The following MALRD1 variants were observed in gnomAD, a reference collection of about 807,000 sequenced individuals.
MALRD1 encodes MAM and LDL-receptor class A domain-containing protein 1.
A neutral mutation model predicts 242.1 loss-of-function variants in MALRD1; 247 were observed. That is an observed-to-expected ratio of 1.02 (90% CI 0.92 to 1.13). MALRD1 has a LOEUF of 1.13. Among genes scored for constraint, MALRD1 ranks in the 50% most tolerant of loss-of-function variants. The pLI is 0.00. For synonymous variants in MALRD1, 995 were observed against 866.6 expected, an observed-to-expected ratio of 1.15 and a Z score of -2.60; for missense variants, 2,989 against 2,533.1, an observed-to-expected ratio of 1.18 and a Z score of -3.86.
At chr10:19,233,698 G>A (rs1838180267) in intron 18 of MALRD1, among the ~76,000 whole-genome samples, 1 of 151,916 alleles carries the variant, frequency 6.6e-6, no homozygotes, top group Admixed American at 6.6e-5. Context: ...TTAATACAAA[G>A]CATAGCATAA....
At chr10:19,300,669 G>C (rs1041148072) in intron 21 of MALRD1, among the ~76,000 whole-genome samples, 2 of 151,980 alleles carry the variant, frequency 1.3e-5, no homozygotes, top group Non-Finnish European at 2.9e-5. Context: ...ACAGAAGATT[G>C]AAACTGGACC....
chr10:19,660,887 G>A (rs1484682037), intron 36 of MALRD1, among the ~76,000 whole-genome samples: 4 of 152,148 alleles, frequency 2.6e-5, no homozygotes, highest in East Asian at 1.9e-4. Flanking sequence ...GAAAGAGGTA[G>A]TAGATACTTC....
intron 36 of MALRD1, among the ~76,000 whole-genome samples, chr10:19,649,092 A>G (rs10827739): frequency 0.41 from 62,507 of 152,138 alleles, 14,161 homozygotes; most frequent in Non-Finnish European, 0.51. Flanking sequence ...TGGCTGCATA[A>G]TATTCCATGG....
At chr10:19,537,208 T>C (rs1432279694) in intron 32 of MALRD1, among the ~76,000 whole-genome samples, 2 of 152,112 alleles carry the variant, frequency 1.3e-5, no homozygotes, top group Non-Finnish European at 2.9e-5. Flanking sequence ...AGTATTAACA[T>C]GAAGAGTAAT....
chr10:19,631,594 A>G (rs185836804), intron 36 of MALRD1, among the ~76,000 whole-genome samples: 1 of 152,268 alleles, frequency 6.6e-6, no homozygotes, highest in East Asian at 1.9e-4. Context: ...GGTTGAACTA[A>G]TTTACACTCT....
chr10:19,259,584 C>A (rs1296788057), intron 19 of MALRD1, among the ~76,000 whole-genome samples: 2 of 152,098 alleles, frequency 1.3e-5, no homozygotes, highest in Non-Finnish European at 2.9e-5. Flanking sequence ...AAAGACCCGC[C>A]CCCGTGATTC....
intron 12 of MALRD1, 93 bp downstream of exon 12, chr10:19,155,265 C>A: frequency 1.8e-6 from 1 of 559,392 alleles, no homozygotes; most frequent in Non-Finnish European, 2.7e-6. Context: ...CCATGTTTTA[C>A]TAGCACTTTA....
intron 7 of MALRD1, 33 bp from the exon 8 acceptor site, chr10:19,128,188 C>T: frequency 4.9e-6 from 6 of 1,224,372 alleles, no homozygotes; most frequent in Non-Finnish European, 6.1e-6. Flanking sequence ...CTAATGTTTT[C>T]CTAAATTGCT....
intron 21 of MALRD1, among the ~76,000 whole-genome samples, chr10:19,289,072 T>G (rs909969210): frequency 5.9e-5 from 9 of 152,160 alleles, no homozygotes; most frequent in African/African-American, 2.2e-4. Context: ...CAAAATTTTT[T>G]TCTTTAATTT....
chr10:19,686,317 G>A (rs1326967), intron 36 of MALRD1, among the ~76,000 whole-genome samples: 140,002 of 152,136 alleles, frequency 0.92, 64,495 homozygotes, highest in East Asian at 0.95. Context: ...TTCCCTTGGG[G>A]TGGGCTGTCT....
At position 19,607,882 on chromosome 10, in the gene MALRD1, T is replaced by C. The variant is rs1838713645; in HGVS notation, c.6050T>C (p.Leu2017Pro). The stretch of plus-strand genomic sequence containing the variant: ...TTTGCCGACTGCATGGATTTCCAGC[T>C]TGATGAGTCCAGCTGCTCCGGTACC... ...DGFADCMDFQLDESSCSECPL... is the reference protein window; with the variant it reads ...DGFADCMDFQPDESSCSECPL... Residue 2017 changes from leucine to proline, a missense_variant, in exon 35 of 40, where the codon CTT becomes CCT. Coordinates refer to ENST00000454679, the MANE Select transcript of MALRD1 (RefSeq NM_001142308.3). 1 of 1,549,642 alleles carries C rather than the reference T, an allele frequency of 6.5e-7. No homozygotes were observed. The highest frequency in any genetic ancestry group is 2.0e-5 in the Admixed American group (1 of 50,936).
chr10:19,113,792 TACAC>T (rs753384799), intron 5 of MALRD1, among the ~76,000 whole-genome samples: 30,313 of 134,312 alleles, frequency 0.23, 3,726 homozygotes, highest in Non-Finnish European at 0.31. Flanking sequence ...TACCACCCCC[TACAC>T]ACACACACAC....
chr10:19,194,531 G>A (rs896922471), intron 14 of MALRD1, among the ~76,000 whole-genome samples: 1 of 151,824 alleles, frequency 6.6e-6, no homozygotes, highest in South Asian at 2.1e-4. Flanking sequence ...TACCATACAC[G>A]AGCTGTCTGG....
chr10:19,443,907 T>C (rs1409144530), intron 28 of MALRD1, among the ~76,000 whole-genome samples: 1 of 152,180 alleles, frequency 6.6e-6, no homozygotes, highest in Non-Finnish European at 1.5e-5. Context: ...ATCTGTCTAA[T>C]GTTGACAGTG....
intron 26 of MALRD1, among the ~76,000 whole-genome samples, chr10:19,373,209 A>AAAAAAAAAAAACAAAAAAAAAAAAC (rs1747103360): frequency 7.0e-6 from 1 of 143,504 alleles, no homozygotes. Flanking sequence ...AATACAAAAA[A>AAAAAAAAAAAACAAAAAAAAAAAAC]AAAAAAAAAA....
At chr10:19,096,006 C>A (rs987025410) in intron 4 of MALRD1, among the ~76,000 whole-genome samples, 6 of 152,216 alleles carry the variant, frequency 3.9e-5, no homozygotes, top group Non-Finnish European at 8.8e-5. Context: ...ACATCTTTTT[C>A]AACTTTGAAA....
At chr10:19,135,913 G>T (rs1174293572) in intron 9 of MALRD1, among the ~76,000 whole-genome samples, 1 of 152,060 alleles carries the variant, frequency 6.6e-6, no homozygotes, top group African/African-American at 2.4e-5. Context: ...TGCTAATATT[G>T]CTTATCTCCA....
chr10:19,265,086 G>T (rs1588809863), intron 19 of MALRD1, among the ~76,000 whole-genome samples: 1 of 151,986 alleles, frequency 6.6e-6, no homozygotes, highest in Non-Finnish European at 1.5e-5. Flanking sequence ...TGTGGCATCA[G>T]TTGTAATGTC....
At position 19,123,630 on chromosome 10, in the gene MALRD1, A is replaced by G; in HGVS notation, c.796+37A>G. The stretch of plus-strand genomic sequence containing the variant: ...ATTGAGATATTCACTTTTCTGGTAT[A>G]TATGCAATATGTGAGACTCAGACCA... On this transcript the variant is annotated intron_variant, in intron 6 of 39. Transcript: ENST00000454679. 4.4e-6 allele frequency: 5 copies of G among 1,129,120 alleles called. No homozygotes were observed. The South Asian group carries it at 1.3e-4, about 30-fold the overall frequency. 69.9% of individuals were successfully genotyped at this position (1,129,120 alleles called of 1,614,324 possible). A position where few individuals can be genotyped will look rare whatever the true frequency, so the allele number is the denominator to read the frequency against.
Sources: gnomAD v4.1 joint callset for allele counts (sites outside exome capture counted in the v4.1 genomes callset) on GRCh38, gnomAD v4.1.1 for gene constraint, MANE v1.5 for transcripts, NCBI Gene and HGNC (gene_info 2026-07-23, HGNC 2026-07-21) for gene names.